Variants in IQGAP1 observed in about 807,000 individuals in gnomAD.
The protein encoded by IQGAP1 is ras GTPase-activating-like protein IQGAP1.
Under a neutral mutation model 215.6 loss-of-function variants are expected in IQGAP1, and 66 were observed. That is an observed-to-expected ratio of 0.31 (90% confidence interval 0.25 to 0.38). The LOEUF is 0.38. Among genes scored for constraint, IQGAP1 ranks in the 10% least tolerant of loss-of-function variants. The probability of loss-of-function intolerance (pLI) is 1.00; values close to 1 mark genes in which losing one functional copy is unlikely to be tolerated. For synonymous variants in IQGAP1, 772 were observed against 728.7 expected, an observed-to-expected ratio of 1.06 and a Z score of -0.96; for missense variants, 1,712 against 1,997.1, an observed-to-expected ratio of 0.86 and a Z score of 2.72.
At chr15:90,486,393 T>A (rs1435984393) in intron 31 of IQGAP1, 8 of 281,476 alleles carry the variant, frequency 2.8e-5, no homozygotes, top group South Asian at 1.4e-4. Context: ...TGTGTTTTTT[T>A]AAAAAAATTG....
At chr15:90,398,366 G>A (rs1412523750) in intron 2 of IQGAP1, among the ~76,000 whole-genome samples, 2 of 152,050 alleles carry the variant, frequency 1.3e-5, no homozygotes, top group African/African-American at 4.8e-5. Flanking sequence ...GTGGAATGGG[G>A]GTAGAGGGTG....
chr15:90,494,601 C>A, intron 35 of IQGAP1, 112 bp from the exon 36 acceptor site: 1 of 838,482 alleles, frequency 1.2e-6, no homozygotes, highest in Non-Finnish European at 1.8e-6. Context: ...TGGTATGTTA[C>A]TTATGCTTAT....
At chr15:90,453,097 C>T (rs749768457) in intron 12 of IQGAP1, 35 bp from the exon 13 acceptor site, 1 of 1,577,364 alleles carries the variant, frequency 6.3e-7, no homozygotes, top group Non-Finnish European at 8.6e-7. Context: ...GAATGTCTTT[C>T]CTCACTGTTT....
At chr15:90,492,448 A>G in intron 34 of IQGAP1, 97 bp from the exon 35 acceptor site, 7 of 517,082 alleles carry the variant, frequency 1.4e-5, no homozygotes, top group Non-Finnish European at 2.2e-5. Flanking sequence ...AAAAGTAGGT[A>G]GTCATATTTA....
At chr15:90,414,231 C>T (rs563347285) in intron 2 of IQGAP1, among the ~76,000 whole-genome samples, 6 of 150,890 alleles carry the variant, frequency 4.0e-5, no homozygotes, top group South Asian at 2.1e-4. Context: ...GAGAAGGGGG[C>T]GGGGAGGGAG....
chr15:90,473,371 G>A (rs369241336), intron 19 of IQGAP1, among the ~76,000 whole-genome samples: 15 of 152,294 alleles, frequency 9.8e-5, no homozygotes, highest in Middle Eastern at 3.4e-3. Context: ...CCAGACAGTG[G>A]TGAATCTCCA....
At chr15:90,459,421 G>A (rs1965730684) in intron 15 of IQGAP1, among the ~76,000 whole-genome samples, 1 of 151,944 alleles carries the variant, frequency 6.6e-6, no homozygotes, top group Non-Finnish European at 1.5e-5. Context: ...TAGCCACAGT[G>A]GAAAAAAACA....
chr15:90,475,277 G>A (rs1965963083), intron 23 of IQGAP1, among the ~76,000 whole-genome samples: 1 of 151,912 alleles, frequency 6.6e-6, no homozygotes, highest in South Asian at 2.1e-4. Context: ...GGGATTACAG[G>A]CGTGAGCCAC....
intron 23 of IQGAP1, 129 bp from the exon 24 acceptor site, chr15:90,476,534 A>G: frequency 1.8e-6 from 1 of 563,342 alleles, no homozygotes; most frequent in Admixed American, 3.5e-5. Flanking sequence ...TGGTTTTTAA[A>G]TATTCAGTGG....
At position 90,492,614 on chromosome 15, in the gene IQGAP1, G is replaced by A. The variant is rs1434558133; in HGVS notation, c.4531G>A (p.Ala1511Thr). The A allele has an allele frequency of 1.7e-5, 27 of 1,613,858 alleles. No homozygotes were observed. The highest frequency in any genetic ancestry group is 1.1e-4 in the East Asian group (5 of 44,888). ...ACTAGTGAAACTGCAACAGACATACGCTGCTCTGAACTCTAAGGCCACCTT... is the reference window on the plus strand; with the variant it reads ...ACTAGTGAAACTGCAACAGACATACACTGCTCTGAACTCTAAGGCCACCTT... ...AELVKLQQTY[A>T]ALNSKATFYG... The change falls in exon 35 of 38, where the codon GCT (alanine) becomes ACT (threonine). Residue 1511 changes from alanine (A) to threonine (T), a missense_variant. Coordinates refer to ENST00000268182, the MANE Select transcript of IQGAP1 (RefSeq NM_003870.4).
chr15:90,408,828 C>T (rs1964916323), intron 2 of IQGAP1, among the ~76,000 whole-genome samples: 1 of 152,096 alleles, frequency 6.6e-6, no homozygotes, highest in Admixed American at 6.6e-5. Flanking sequence ...GTCTTGCTCT[C>T]TTGCCCAGGT....
intron 9 of IQGAP1, 132 bp from the exon 10 acceptor site, chr15:90,448,441 A>C: frequency 1.4e-6 from 1 of 738,162 alleles, no homozygotes; most frequent in Non-Finnish European, 2.1e-6. Flanking sequence ...TATGCTTCTG[A>C]GAATCACAGA....
chr15:90,460,591 G>A (rs956875633), intron 15 of IQGAP1, among the ~76,000 whole-genome samples: 2 of 152,158 alleles, frequency 1.3e-5, no homozygotes, highest in African/African-American at 2.4e-5. Flanking sequence ...AGGAGGGGCA[G>A]ATTGGAATAG....
chr15:90,466,543 G>C (rs1965834099), intron 17 of IQGAP1, 107 bp downstream of exon 17: 1 of 1,037,756 alleles, frequency 9.6e-7, no homozygotes, highest in Admixed American at 2.1e-5. Flanking sequence ...TTTTAGCATA[G>C]ATGTACAGTA....
Position 90,499,967 on chromosome 15 carries a change from GTTTTGTTTT to G in IQGAP1, c.4861-27_4861-19del, listed in dbSNP as rs746716508. On this transcript the variant is annotated intron_variant, in intron 37 of 37. Coordinates refer to ENST00000268182, the MANE Select transcript of IQGAP1 (RefSeq NM_003870.4). The stretch of plus-strand genomic sequence containing the variant: ...ACTTGATTAACTGTCAAAATGTTTT[GTTTTGTTTT>G]GTTTTGTTTTGTTAATAGGACCTGC... The G allele has an allele frequency of 5.9e-6, 2 of 336,472 alleles. No individual in the cohort carries two copies. The highest frequency in any genetic ancestry group is 6.5e-5 in the South Asian group (2 of 30,822). 20.8% of individuals were successfully genotyped at this position (336,472 alleles called of 1,614,324 possible).
intron 28 of IQGAP1, 87 bp from the exon 29 acceptor site, chr15:90,483,274 T>C (rs1200019869): frequency 5.3e-6 from 5 of 937,568 alleles, no homozygotes; most frequent in Non-Finnish European, 8.5e-6. Flanking sequence ...GGACTGCATT[T>C]TCTGCTTTTC....
intron 2 of IQGAP1, among the ~76,000 whole-genome samples, chr15:90,409,693 A>G (rs1964931404): frequency 2.0e-5 from 3 of 152,048 alleles, no homozygotes; most frequent in Non-Finnish European, 1.5e-5. Context: ...CACTTCCTTA[A>G]CTTAACTCAT....
Position 90,452,812 on chromosome 15 carries a change from G to T in IQGAP1, c.1200G>T (p.Gln400His). Residue 400 changes from glutamine (Q) to histidine (H), a missense_variant, in exon 12 of 38, where the codon CAG (glutamine) becomes CAT (histidine). By Grantham distance (24) the Gln-to-His change is conservative. Coordinates refer to ENST00000268182, the MANE Select transcript of IQGAP1 (RefSeq NM_003870.4). ...TAGCACTGATTAATGCTGCAATCCAGAAGGGTGTTGCTGAGAAGACTGTTT... is the reference window on the plus strand; with the variant it reads ...TAGCACTGATTAATGCTGCAATCCATAAGGGTGTTGCTGAGAAGACTGTTT... Reference protein sequence around the residue: ...AAVALINAAIQKGVAEKTVLE... With the variant: ...AAVALINAAIHKGVAEKTVLE... 1 of 1,614,162 alleles carries T rather than the reference G, an allele frequency of 6.2e-7. No homozygotes were observed.
chr15:90,471,400 A>C (rs1965902277), intron 18 of IQGAP1, among the ~76,000 whole-genome samples: 1 of 152,124 alleles, frequency 6.6e-6, no homozygotes, highest in Non-Finnish European at 1.5e-5. Context: ...GAGAGCAAAA[A>C]AGGTGTACTG....
Sources: allele counts gnomAD v4.1 joint callset (sites outside exome capture counted in the v4.1 genomes callset), GRCh38; gene constraint gnomAD v4.1.1; transcripts MANE v1.5; gene names NCBI Gene and HGNC (gene_info 2026-07-23, HGNC 2026-07-21).